Variants in KANK1 observed in about 807,000 individuals in gnomAD.
KANK1 encodes the protein KN motif and ankyrin repeat domains 1, also known as KN motif and ankyrin repeat domain-containing protein 1.
Under a neutral mutation model 106.2 loss-of-function variants are expected in KANK1, and 109 were observed. That is an observed-to-expected ratio of 1.03 (90% CI 0.88 to 1.20). KANK1 has a LOEUF of 1.20. Among genes scored for constraint, KANK1 ranks in the 50% most tolerant of loss-of-function variants. The pLI is 0.00. For synonymous variants in KANK1, 873 were observed against 652.2 expected (o/e 1.34, Z -5.16); for missense variants, 2,399 against 1,710.7 (o/e 1.40, Z -7.10).
upstream of KANK1, among the ~76,000 whole-genome samples, chr9:504,511 C>G (rs993792431): frequency 6.7e-6 from 1 of 150,302 alleles, no homozygotes; most frequent in African/African-American, 2.5e-5. Flanking sequence ...CGGGGCTTCG[C>G]CGGCCCGCGC....
At chr9:736,515 C>G (rs1228856907) in intron 7 of KANK1, among the ~76,000 whole-genome samples, 1 of 151,960 alleles carries the variant, frequency 6.6e-6, no homozygotes, top group Admixed American at 6.6e-5. Context: ...TGAGACCAGC[C>G]TGGGCAACAT....
chr9:690,284 T>G, intron 2 of KANK1, among the ~76,000 whole-genome samples: 1 of 144,314 alleles, frequency 6.9e-6, no homozygotes, highest in Admixed American at 7.2e-5. Flanking sequence ...CCAGCCTGGG[T>G]GACGGAGCGA....
At chr9:609,148 T>C (rs998575566) in intron 1 of KANK1, among the ~76,000 whole-genome samples, 1 of 152,226 alleles carries the variant, frequency 6.6e-6, no homozygotes, top group African/African-American at 2.4e-5. Context: ...AAATAGCAAT[T>C]GGCTTTACCT....
In KANK1 at chr9:639,058, T is replaced by C. The variant is rs553241892; in HGVS notation, c.-83-37832T>C. Among the ~76,000 whole-genome samples the C allele has an allele frequency of 1.9e-3, 284 of 152,282 alleles. 2 individuals are homozygous for C. The highest frequency in any genetic ancestry group is 6.5e-3 in the African/African-American group (268 of 41,540). On this transcript the variant is annotated intron_variant, in intron 1 of 11. Transcript: ENST00000382297. ...ATCACACCTCAGTGTAAGTCTTACC[T>C]TCCTACAGGAGTCCCATAAAAACAC...
intron 1 of KANK1, among the ~76,000 whole-genome samples, chr9:591,084 T>A (rs766986765): frequency 6.6e-5 from 10 of 151,776 alleles, no homozygotes; most frequent in Non-Finnish European, 1.3e-4. Context: ...CCTTTGTGAG[T>A]TTTCTGTTCA....
intron 1 of KANK1, among the ~76,000 whole-genome samples, chr9:554,693 C>T (rs993215151): frequency 2.0e-5 from 3 of 152,184 alleles, no homozygotes; most frequent in Non-Finnish European, 2.9e-5. Flanking sequence ...TAACATCACT[C>T]ATAGGAATGC....
intron 1 of KANK1, among the ~76,000 whole-genome samples, chr9:570,443 A>G (rs1034105234): frequency 4.6e-5 from 7 of 152,166 alleles, no homozygotes; most frequent in Non-Finnish European, 8.8e-5. Flanking sequence ...ATAAACAGAA[A>G]TCTAGACACA....
intron 1 of KANK1, among the ~76,000 whole-genome samples, chr9:576,375 C>G (rs1046366804): frequency 8.5e-5 from 13 of 152,196 alleles, no homozygotes; most frequent in African/African-American, 3.1e-4. Context: ...TTACTGGCCT[C>G]CCTTTTAATA....
intron 1 of KANK1, among the ~76,000 whole-genome samples, chr9:541,751 AG>A (rs2060611213): frequency 1.3e-5 from 2 of 152,356 alleles, no homozygotes; most frequent in South Asian, 4.1e-4. Flanking sequence ...AAAATATACA[AG>A]GAACCCATAC....
intron 1 of KANK1, among the ~76,000 whole-genome samples, chr9:586,542 C>T (rs566382741): frequency 2.6e-5 from 4 of 152,268 alleles, no homozygotes; most frequent in African/African-American, 9.6e-5. Flanking sequence ...GACTTGAAAA[C>T]AGTTCCGAGG....
chr9:632,188 C>A (rs1190962195), intron 1 of KANK1, among the ~76,000 whole-genome samples: 1 of 152,118 alleles, frequency 6.6e-6, no homozygotes, highest in Non-Finnish European at 1.5e-5. Context: ...AGTCAGAATT[C>A]ATATTTTCCT....
chr9:590,931 C>A (rs150635865), intron 1 of KANK1, among the ~76,000 whole-genome samples: 2 of 151,816 alleles, frequency 1.3e-5, no homozygotes, highest in East Asian at 3.9e-4. Context: ...AAGACTGAAC[C>A]GATTTACAGT....
intron 1 of KANK1, among the ~76,000 whole-genome samples, chr9:594,197 A>G (rs1301702872): frequency 1.3e-5 from 2 of 151,924 alleles, no homozygotes; most frequent in African/African-American, 2.4e-5. Flanking sequence ...ATTTATGGCA[A>G]TAGGCTTATC....
chr9:526,234 C>T (rs761535231), intron 1 of KANK1, among the ~76,000 whole-genome samples: 1 of 151,748 alleles, frequency 6.6e-6, no homozygotes, highest in African/African-American at 2.4e-5. Flanking sequence ...TCCCAGAGAA[C>T]GGGACGGCAG....
intron 3 of KANK1, among the ~76,000 whole-genome samples, chr9:728,840 T>C (rs1003972846): frequency 6.6e-5 from 10 of 152,214 alleles, no homozygotes; most frequent in Non-Finnish European, 1.3e-4. Context: ...AATCAGAGTA[T>C]CTTTGAATCT....
At chr9:743,534 C>CCTG (rs1016006769) in intron 10 of KANK1, among the ~76,000 whole-genome samples, 3 of 152,058 alleles carry the variant, frequency 2.0e-5, no homozygotes, top group Non-Finnish European at 2.9e-5. Flanking sequence ...AGAACTGTGT[C>CCTG]CTGCTGCTGC....
rs1340576330 is a variant in KANK1, at chr9:695,965, A to G, written c.38-14839A>G. Among the ~76,000 whole-genome samples the G allele has an allele frequency of 3.3e-5, 5 of 152,094 alleles. No homozygotes were observed. In the East Asian group the frequency reaches 5.8e-4, roughly 18 times the overall value. On this transcript the variant is annotated intron_variant, in intron 2 of 11. Coordinates refer to ENST00000382297, the MANE Select transcript of KANK1 (RefSeq NM_015158.5). ...TCAGCAGATACTAAGAGGGCCATGT[A>G]CCAAGCGCCAAGTACTGAGGAATAC...
intron 2 of KANK1, among the ~76,000 whole-genome samples, chr9:697,413 C>A (rs1426490142): frequency 6.6e-6 from 1 of 152,038 alleles, no homozygotes; most frequent in Non-Finnish European, 1.5e-5. Context: ...CAGAAAAGAG[C>A]TTTTAGGCTT....
intron 1 of KANK1, among the ~76,000 whole-genome samples, chr9:557,633 AAGAC>A (rs1353807748): frequency 1.3e-5 from 2 of 152,236 alleles, no homozygotes; most frequent in Non-Finnish European, 2.9e-5. Flanking sequence ...AGTAATGTAG[AAGAC>A]AGATCACGAA....
Sources: allele counts gnomAD v4.1 joint callset (sites outside exome capture counted in the v4.1 genomes callset), GRCh38; gene constraint gnomAD v4.1.1; transcripts MANE v1.5; gene names NCBI Gene and HGNC (gene_info 2026-07-23, HGNC 2026-07-21).